The following SRPK2 variants were observed in gnomAD, a reference collection of about 807,000 sequenced individuals.
The protein encoded by SRPK2 is SRSF protein kinase 2.
A neutral mutation model predicts 90.8 loss-of-function variants in SRPK2; 21 were observed. That is an observed-to-expected ratio of 0.23 (90% CI 0.16 to 0.33). SRPK2 has a LOEUF of 0.33. Among genes scored for constraint, SRPK2 ranks in the 10% least tolerant of loss-of-function variants. The pLI is 1.00. For synonymous variants in SRPK2, 288 were observed against 311.1 expected (o/e 0.93, Z 0.78); for missense variants, 620 against 869.0 (o/e 0.71, Z 3.60).
chr7:105,285,171 AG>A (rs1367187022), intron 2 of SRPK2, among the ~76,000 whole-genome samples: 2 of 152,036 alleles, frequency 1.3e-5, no homozygotes, highest in Non-Finnish European at 2.9e-5. Context: ...GGATTGCTTG[AG>A]CCCAGGAGTT....
chr7:105,299,186 A>G (rs1585604105), intron 2 of SRPK2, among the ~76,000 whole-genome samples: 1 of 152,210 alleles, frequency 6.6e-6, no homozygotes, highest in South Asian at 2.1e-4. Context: ...AGGTGGGGCC[A>G]CACAGTCTCA....
intron 2 of SRPK2, among the ~76,000 whole-genome samples, chr7:105,220,395 C>T (rs778812523): frequency 1.3e-4 from 20 of 151,980 alleles, no homozygotes; most frequent in Non-Finnish European, 2.4e-4. Flanking sequence ...GGCGTGGTGG[C>T]GCACACCTGT....
intron 2 of SRPK2, among the ~76,000 whole-genome samples, chr7:105,215,863 T>C (rs1325370092): frequency 2.0e-5 from 3 of 152,012 alleles, no homozygotes; most frequent in Admixed American, 1.3e-4. Context: ...TACTCAAGTG[T>C]ATGAAGTTTT....
At chr7:105,262,663 A>C (rs1030123307) in intron 2 of SRPK2, among the ~76,000 whole-genome samples, 4 of 151,790 alleles carry the variant, frequency 2.6e-5, no homozygotes, top group African/African-American at 9.7e-5. Flanking sequence ...CAACAACAAC[A>C]CCCTAGGGTC....
At chr7:105,294,027 C>A (rs1378638074) in intron 2 of SRPK2, among the ~76,000 whole-genome samples, 1 of 152,144 alleles carries the variant, frequency 6.6e-6, no homozygotes, top group Non-Finnish European at 1.5e-5. Context: ...AATCCAATCC[C>A]TCGGAGTGAT....
intron 4 of SRPK2, 102 bp downstream of exon 4, chr7:105,169,055 C>A: frequency 1.0e-6 from 1 of 988,642 alleles, no homozygotes; most frequent in South Asian, 1.5e-5. Flanking sequence ...AAGCACTTCA[C>A]ATACCTCAAC....
At chr7:105,159,933 C>G (rs534532373) in intron 7 of SRPK2, among the ~76,000 whole-genome samples, 1 of 152,276 alleles carries the variant, frequency 6.6e-6, no homozygotes, top group South Asian at 2.1e-4. Flanking sequence ...GCTAATTAAC[C>G]TAACCCAGTA....
At chr7:105,218,182 A>C (rs1168423833) in intron 2 of SRPK2, among the ~76,000 whole-genome samples, 1 of 152,222 alleles carries the variant, frequency 6.6e-6, no homozygotes, top group African/African-American at 2.4e-5. Flanking sequence ...TGCTAGAGAA[A>C]GGTTGAGACC....
In SRPK2 at chr7:105,201,374, A is replaced by C. The variant is rs564949947; in HGVS notation, c.229+2254T>G. ...TGATGCTGACTTTAATACTCTGTGAAGGTTAGAGTTCAGTGAATGTTACCT... is the reference window on the plus strand; with the variant it reads ...TGATGCTGACTTTAATACTCTGTGACGGTTAGAGTTCAGTGAATGTTACCT... On this transcript the variant is annotated intron_variant, in intron 3 of 15. Coordinates refer to ENST00000393651, the MANE Select transcript of SRPK2 (RefSeq NM_182692.3). 1.8e-4 allele frequency among the ~76,000 whole-genome samples: 28 copies of C among 152,282 alleles called. No individual in the cohort carries two copies. In the South Asian group the frequency reaches 5.0e-3, roughly 27 times the overall value.
chr7:105,201,840 C>T (rs755381890), intron 3 of SRPK2, among the ~76,000 whole-genome samples: 5 of 151,874 alleles, frequency 3.3e-5, no homozygotes, highest in Non-Finnish European at 5.9e-5. Context: ...GCTGTGATCA[C>T]GCCATTGCAC....
chr7:105,229,450 C>A (rs1243931826), intron 2 of SRPK2, among the ~76,000 whole-genome samples: 4 of 149,108 alleles, frequency 2.7e-5, no homozygotes, highest in African/African-American at 2.5e-5. Flanking sequence ...GGCGACAGAG[C>A]AAGACTCCGT....
chr7:105,385,115 G>T (rs988256304), intron 2 of SRPK2, among the ~76,000 whole-genome samples: 1 of 144,044 alleles, frequency 6.9e-6, no homozygotes, highest in South Asian at 2.2e-4. Flanking sequence ...CTCGTGATCC[G>T]CCCGCCTCGG....
At chr7:105,157,099 G>A (rs574802161) in intron 7 of SRPK2, among the ~76,000 whole-genome samples, 1 of 152,162 alleles carries the variant, frequency 6.6e-6, no homozygotes, top group Non-Finnish European at 1.5e-5. Flanking sequence ...TGTATGCACA[G>A]AGAGCCAAGA....
At chr7:105,238,979 A>G (rs1158385073) in intron 2 of SRPK2, among the ~76,000 whole-genome samples, 2 of 152,208 alleles carry the variant, frequency 1.3e-5, no homozygotes, top group Non-Finnish European at 2.9e-5. Context: ...AGGCCGGGGC[A>G]GCCAGGTAAA....
rs181463849 is a variant in SRPK2, at chr7:105,209,271, C to T, written c.72-5486G>A. On this transcript the variant is annotated intron_variant, in intron 2 of 15. Coordinates refer to ENST00000393651, the MANE Select transcript of SRPK2 (RefSeq NM_182692.3). ...TATAAAGAAATATACCACTTCAGGC[C>T]GGGTGCAGTGGCCCCCACAGGTGAT... is the stretch of plus-strand genomic sequence containing the variant. 3.3e-5 allele frequency among the ~76,000 whole-genome samples: 5 copies of T among 152,240 alleles called. No homozygotes were observed. The East Asian group carries it at 5.8e-4, about 18-fold the overall frequency.
intron 2 of SRPK2, among the ~76,000 whole-genome samples, chr7:105,255,617 T>C (rs1415692939): frequency 6.6e-6 from 1 of 152,094 alleles, no homozygotes; most frequent in East Asian, 1.9e-4. Context: ...ACAGAACAAA[T>C]CAATGATATC....
chr7:105,280,491 AAAC>A (rs2130802616), intron 2 of SRPK2, among the ~76,000 whole-genome samples: 1 of 152,074 alleles, frequency 6.6e-6, no homozygotes, highest in South Asian at 2.1e-4. Context: ...TTTTGCATAC[AAAC>A]AACTGTGAAT....
chr7:105,380,947 TAAAAAAAAAA>T (rs869039181), intron 2 of SRPK2, among the ~76,000 whole-genome samples: 16 of 104,126 alleles, frequency 1.5e-4, no homozygotes, highest in African/African-American at 3.2e-4. Flanking sequence ...TTTATTACTT[TAAAAAAAAAA>T]AAAAAAAAAA....
chr7:105,246,273 T>G (rs1801650484), intron 2 of SRPK2, among the ~76,000 whole-genome samples: 1 of 152,066 alleles, frequency 6.6e-6, no homozygotes. Context: ...CCAAAAGGAA[T>G]ATTTATTCCC....
Sources: allele counts gnomAD v4.1 joint callset (sites outside exome capture counted in the v4.1 genomes callset), GRCh38; gene constraint gnomAD v4.1.1; transcripts MANE v1.5; gene names NCBI Gene and HGNC (gene_info 2026-07-23, HGNC 2026-07-21).